The following SUGCT variants were observed in gnomAD, a reference collection of about 807,000 sequenced individuals.
SUGCT encodes the protein succinyl-CoA:glutarate CoA-transferase.
In SUGCT, 41 loss-of-function variants were observed where a neutral mutation model predicts 55.0. That is an observed-to-expected ratio of 0.74 (90% CI 0.58 to 0.97). The LOEUF (loss-of-function observed/expected upper bound fraction) is 0.97, where lower values mean the gene tolerates loss of function less well. Among genes scored for constraint, SUGCT ranks in the 50% least tolerant of loss-of-function variants. The pLI is 0.00. For missense variants in SUGCT, 568 were observed against 547.8 expected, an observed-to-expected ratio of 1.04 and a Z score of -0.37; for synonymous variants, 187 against 200.4, an observed-to-expected ratio of 0.93 and a Z score of 0.56.
chr7:40,374,516 T>G (rs1784448119), intron 9 of SUGCT, among the ~76,000 whole-genome samples: 2 of 152,246 alleles, frequency 1.3e-5, no homozygotes, highest in Non-Finnish European at 2.9e-5. Context: ...CTGGGAGGAA[T>G]TGTTCTTGCA....
the SUGCT span, among the ~76,000 whole-genome samples, chr7:40,902,961 G>T: frequency 6.6e-6 from 1 of 151,918 alleles, no homozygotes; most frequent in Non-Finnish European, 1.5e-5. Context: ...AGCTTTGAAA[G>T]ATAAATTATT....
intron 6 of SUGCT, among the ~76,000 whole-genome samples, chr7:40,218,353 C>T (rs537601933): frequency 6.6e-6 from 1 of 152,322 alleles, no homozygotes; most frequent in Admixed American, 6.5e-5. Context: ...AGAAGCCTGG[C>T]TCCCACTTCT....
At chr7:40,383,704 G>C (rs1159037697) in intron 9 of SUGCT, among the ~76,000 whole-genome samples, 4 of 152,172 alleles carry the variant, frequency 2.6e-5, no homozygotes, top group Non-Finnish European at 5.9e-5. Context: ...GTTTGGGGTG[G>C]CTTCCCGGAG....
chr7:40,299,340 C>G (rs181827581), intron 8 of SUGCT, among the ~76,000 whole-genome samples: 4 of 152,228 alleles, frequency 2.6e-5, no homozygotes, highest in Admixed American at 1.3e-4. Flanking sequence ...ACATTGTGAT[C>G]CCAGTGCAGT....
At chr7:40,577,973 G>A (rs1376876951) in intron 12 of SUGCT, among the ~76,000 whole-genome samples, 5 of 152,214 alleles carry the variant, frequency 3.3e-5, no homozygotes, top group African/African-American at 9.6e-5. Context: ...TATATTTCCT[G>A]ATGAGTCAAT....
the SUGCT span, among the ~76,000 whole-genome samples, chr7:40,927,009 A>G: frequency 4.9e-3 from 748 of 152,284 alleles, 3 homozygotes; most frequent in Middle Eastern, 0.017. Context: ...CTGTTTAGAC[A>G]TTGCCTTTAA....
chr7:40,759,293 A>G (rs1332041031), intron 13 of SUGCT, among the ~76,000 whole-genome samples: 1 of 152,226 alleles, frequency 6.6e-6, no homozygotes, highest in African/African-American at 2.4e-5. Context: ...GCTGCATTTA[A>G]CTATATTTTG....
chr7:40,682,479 G>A (rs546873012), intron 12 of SUGCT, among the ~76,000 whole-genome samples: 1 of 152,158 alleles, frequency 6.6e-6, no homozygotes, highest in Non-Finnish European at 1.5e-5. Flanking sequence ...AGTATTGTGG[G>A]ACTGAGCTTT....
intron 12 of SUGCT, among the ~76,000 whole-genome samples, chr7:40,684,504 C>T (rs1261746269): frequency 1.3e-5 from 2 of 152,148 alleles, no homozygotes; most frequent in Non-Finnish European, 2.9e-5. Flanking sequence ...AACAGCATAA[C>T]CTTGTGCCAC....
intron 12 of SUGCT, among the ~76,000 whole-genome samples, chr7:40,691,365 G>T (rs903745170): frequency 6.6e-6 from 1 of 151,316 alleles, no homozygotes; most frequent in African/African-American, 2.4e-5. Flanking sequence ...TCTCCTCACA[G>T]CTGGATCATA....
intron 12 of SUGCT, among the ~76,000 whole-genome samples, chr7:40,670,109 ACAT>A (rs1373888341): frequency 6.7e-6 from 1 of 149,484 alleles, no homozygotes; most frequent in Non-Finnish European, 1.5e-5. Flanking sequence ...TTCTCATCAG[ACAT>A]CATGGAAGCT....
chr7:40,265,431 C>T (rs1791501100), intron 7 of SUGCT, among the ~76,000 whole-genome samples: 1 of 152,078 alleles, frequency 6.6e-6, no homozygotes, highest in Non-Finnish European at 1.5e-5. Context: ...CTTAGAAAAA[C>T]ACATGATTTT....
At chr7:40,950,381 A>G in the SUGCT span, among the ~76,000 whole-genome samples, 1 of 152,232 alleles carries the variant, frequency 6.6e-6, no homozygotes, top group African/African-American at 2.4e-5. Flanking sequence ...TTTTCTAGAT[A>G]TACAACCATG....
intron 7 of SUGCT, among the ~76,000 whole-genome samples, chr7:40,261,378 C>T (rs910784052): frequency 1.3e-5 from 2 of 152,190 alleles, no homozygotes; most frequent in African/African-American, 4.8e-5. Context: ...GTAGAAAGAT[C>T]TTGGGCCTTC....
intron 13 of SUGCT, among the ~76,000 whole-genome samples, chr7:40,807,647 A>C (rs1401761837): frequency 6.6e-6 from 1 of 152,192 alleles, no homozygotes; most frequent in Non-Finnish European, 1.5e-5. Flanking sequence ...TGGAAGGGCT[A>C]TCTGACTACA....
chr7:40,956,366 G>A, the SUGCT span, among the ~76,000 whole-genome samples: 3 of 152,268 alleles, frequency 2.0e-5, no homozygotes, highest in African/African-American at 7.2e-5. Context: ...AAGGGTTTAT[G>A]TGTCTAGGAA....
chr7:40,550,374 T>C (rs1428278062), intron 12 of SUGCT, among the ~76,000 whole-genome samples: 7 of 152,228 alleles, frequency 4.6e-5, no homozygotes, highest in Non-Finnish European at 7.3e-5. Flanking sequence ...AATCCAGAAT[T>C]GTTCTTCCCT....
chr7:40,736,623 A>C (rs1319466862), intron 12 of SUGCT, among the ~76,000 whole-genome samples: 2 of 152,100 alleles, frequency 1.3e-5, no homozygotes, highest in African/African-American at 2.4e-5. Context: ...AGCAAAGACA[A>C]TTAGAATCAT....
intron 12 of SUGCT, among the ~76,000 whole-genome samples, chr7:40,691,781 G>A (rs551176147): frequency 2.3e-4 from 35 of 152,216 alleles, no homozygotes; most frequent in African/African-American, 7.9e-4. Context: ...TTTATCTAAA[G>A]TTTCAACAAC....
Sources: allele counts gnomAD v4.1 joint callset (sites outside exome capture counted in the v4.1 genomes callset), GRCh38; gene constraint gnomAD v4.1.1; transcripts MANE v1.5; gene names NCBI Gene and HGNC (gene_info 2026-07-23, HGNC 2026-07-21).